LIN7A: variants seen among roughly 807,000 people sequenced by gnomAD.
The protein encoded by LIN7A is lin-7 cell polarity scaffold A, also known as protein lin-7 homolog A.
LIN7A carries 25 observed loss-of-function variants against 29.8 expected under a neutral mutation model. The ratio of observed to expected loss-of-function variants is 0.84; its 90% confidence interval spans 0.61 to 1.17. LIN7A has a LOEUF of 1.17. Among genes scored for constraint, LIN7A ranks in the 50% most tolerant of loss-of-function variants. The pLI is 0.00. For missense variants in LIN7A, 239 were observed against 287.0 expected, an observed-to-expected ratio of 0.83 and a Z score of 1.21; for synonymous variants, 118 against 107.5, an observed-to-expected ratio of 1.10 and a Z score of -0.60.
chr12:80,882,096 C>T (rs1393250563), intron 2 of LIN7A, among the ~76,000 whole-genome samples: 2 of 151,758 alleles, frequency 1.3e-5, no homozygotes, highest in Non-Finnish European at 2.9e-5. Context: ...TTGGAGCCAT[C>T]CATTTAAAAA....
At chr12:80,914,261 C>A (rs111839809) in intron 1 of LIN7A, among the ~76,000 whole-genome samples, 9 of 152,254 alleles carry the variant, frequency 5.9e-5, no homozygotes, top group African/African-American at 2.2e-4. Flanking sequence ...ATATTACATA[C>A]CATTTGGAGA....
intron 2 of LIN7A, among the ~76,000 whole-genome samples, chr12:80,875,792 A>T (rs1391721931): frequency 6.6e-6 from 1 of 152,204 alleles, no homozygotes; most frequent in East Asian, 1.9e-4. Context: ...ATTATAATAG[A>T]CATTTTCTAC....
intron 4 of LIN7A, among the ~76,000 whole-genome samples, chr12:80,825,012 A>T (rs1009416735): frequency 6.6e-6 from 1 of 152,258 alleles, no homozygotes; most frequent in African/African-American, 2.4e-5. Flanking sequence ...AGTCCTCGCC[A>T]GAGCAATCAA....
At chr12:80,896,304 C>A (rs191159229) in intron 1 of LIN7A, among the ~76,000 whole-genome samples, 1 of 152,218 alleles carries the variant, frequency 6.6e-6, no homozygotes, top group African/African-American at 2.4e-5. Flanking sequence ...AGGCGACAAG[C>A]GATAGTAACA....
intron 2 of LIN7A, chr12:80,861,269 G>A (rs1873862595): frequency 6.6e-6 from 1 of 152,242 alleles, no homozygotes; most frequent in South Asian, 2.1e-4. Context: ...GTGATGTGGA[G>A]TATCTCGGGA....
chr12:80,812,907 T>C (rs935396633), intron 4 of LIN7A, among the ~76,000 whole-genome samples: 5 of 152,072 alleles, frequency 3.3e-5, no homozygotes, highest in African/African-American at 1.2e-4. Flanking sequence ...GCAGTTGACA[T>C]GCATGGACAA....
At chr12:80,832,519 CT>C (rs113323792) in intron 4 of LIN7A, 7 of 476,882 alleles carry the variant, frequency 1.5e-5, no homozygotes, top group African/African-American at 6.0e-5. Flanking sequence ...TGGATGAAAT[CT>C]CTTTTCCAGA....
rs566277773 is a variant in LIN7A at position 80,795,146 on chromosome 12, C to T, written c.*2581G>A. Reference sequence around the variant, plus strand: ...GACATGTCAGTGGCTCTAATATGATCGTTAATAATGAAGATAATTAGTATA... The same window carrying T: ...GACATGTCAGTGGCTCTAATATGATTGTTAATAATGAAGATAATTAGTATA... On this transcript the variant is annotated 3_prime_UTR_variant, in exon 6 of 6. Transcript: ENST00000552864. 18 of 152,108 alleles carry T rather than the reference C, an allele frequency of 1.2e-4. No individual in the cohort carries two copies. Among genetic ancestry groups the T allele is most frequent in the African/African-American group, 3.9e-4 (16 of 41,498 alleles). The allele number at this position is 152,108 out of a possible 1,614,324, so 9.4% of individuals were successfully genotyped here.
chr12:80,930,939 T>C (rs1877863699), intron 1 of LIN7A, among the ~76,000 whole-genome samples: 1 of 152,242 alleles, frequency 6.6e-6, no homozygotes, highest in Admixed American at 6.5e-5. Flanking sequence ...GTGCCAACTA[T>C]GTGCCACACA....
chr12:80,813,537 T>C (rs530683752), intron 4 of LIN7A, among the ~76,000 whole-genome samples: 57 of 152,260 alleles, frequency 3.7e-4, no homozygotes, highest in African/African-American at 1.3e-3. Context: ...CACATACTTA[T>C]AAGATAGATA....
chr12:80,908,687 C>A (rs955486283), intron 1 of LIN7A, among the ~76,000 whole-genome samples: 1 of 152,016 alleles, frequency 6.6e-6, no homozygotes, highest in Non-Finnish European at 1.5e-5. Flanking sequence ...AAACAGCATT[C>A]TAATAGAATG....
chr12:80,831,355 C>T (rs1262791269), intron 4 of LIN7A, among the ~76,000 whole-genome samples: 1 of 152,118 alleles, frequency 6.6e-6, no homozygotes, highest in African/African-American at 2.4e-5. Flanking sequence ...TGGATCTAGG[C>T]AGAGTAACAA....
intron 2 of LIN7A, 41 bp from the exon 3 acceptor site, chr12:80,848,363 A>G (rs1473665247): frequency 7.4e-7 from 1 of 1,356,378 alleles, no homozygotes; most frequent in East Asian, 2.3e-5. Flanking sequence ...TAAGAACATG[A>G]AGAATAATAA....
intron 1 of LIN7A, among the ~76,000 whole-genome samples, chr12:80,911,897 G>T (rs1488828673): frequency 6.6e-6 from 1 of 152,050 alleles, no homozygotes; most frequent in Middle Eastern, 3.2e-3. Flanking sequence ...AACTATTCCT[G>T]TCATAATTTA....
At chr12:80,845,499 C>T (rs2121548895) in intron 4 of LIN7A, 1 of 399,592 alleles carries the variant, frequency 2.5e-6, no homozygotes. Flanking sequence ...GATTAATTTC[C>T]TGGGATGTTT....
At chr12:80,825,709 CA>C (rs1872032930) in intron 4 of LIN7A, among the ~76,000 whole-genome samples, 1 of 152,222 alleles carries the variant, frequency 6.6e-6, no homozygotes, top group East Asian at 1.9e-4. Flanking sequence ...TGGGCAATGA[CA>C]TCTCCTAGAA....
intron 2 of LIN7A, among the ~76,000 whole-genome samples, chr12:80,876,082 G>C (rs67921820): frequency 3.9e-4 from 32 of 82,046 alleles, no homozygotes; most frequent in African/African-American, 7.6e-4. Context: ...CACACACACA[G>C]AGAGAGAGAA....
At chr12:80,844,574 C>T (rs992083056) in intron 4 of LIN7A, among the ~76,000 whole-genome samples, 1 of 152,002 alleles carries the variant, frequency 6.6e-6, no homozygotes, top group Admixed American at 6.6e-5. Context: ...TATTAAAATC[C>T]TTAAGTTCTT....
intron 1 of LIN7A, among the ~76,000 whole-genome samples, chr12:80,919,058 A>G (rs2120859199): frequency 6.6e-6 from 1 of 152,324 alleles, no homozygotes; most frequent in South Asian, 2.1e-4. Flanking sequence ...GGTTTTTATA[A>G]GTACACTCTA....
Sources: gnomAD v4.1 joint callset for allele counts (sites outside exome capture counted in the v4.1 genomes callset) on GRCh38, gnomAD v4.1.1 for gene constraint, MANE v1.5 for transcripts, NCBI Gene and HGNC (gene_info 2026-07-23, HGNC 2026-07-21) for gene names.